Variants in ARHGAP30 observed in about 807,000 individuals in gnomAD.
ARHGAP30 encodes the protein rho GTPase-activating protein 30.
Under a neutral mutation model 72.0 loss-of-function variants are expected in ARHGAP30, and 23 were observed. That is an observed-to-expected ratio of 0.32 (90% confidence interval 0.23 to 0.45). The LOEUF (loss-of-function observed/expected upper bound fraction) is 0.45. ARHGAP30 is among the 20% of genes least tolerant of loss of function. The pLI, the probability that ARHGAP30 is intolerant of heterozygous loss-of-function variation, is 1.00. For synonymous variants in ARHGAP30, 576 were observed against 528.2 expected (o/e 1.09, Z -1.24); for missense variants, 1,319 against 1,383.4 (o/e 0.95, Z 0.74).
At chr1:161,053,031 C>T (rs1651533327) in intron 6 of ARHGAP30, 2 of 852,858 alleles carry the variant, frequency 2.3e-6, no homozygotes, top group Admixed American at 5.8e-5. Flanking sequence ...CATCACTAGC[C>T]TTGGGAGCCA....
At chr1:161,053,056 A>G in intron 6 of ARHGAP30, 1 of 897,042 alleles carries the variant, frequency 1.1e-6, no homozygotes, top group East Asian at 2.7e-5. Flanking sequence ...GGTGACTCAG[A>G]GGTCAAGCCA....
chr1:161,054,352 A>G lies in ARHGAP30; in HGVS notation c.536+14T>C. On this transcript the variant is annotated intron_variant, in intron 5 of 11. Transcript: ENST00000368013. ...CTCACAGGATCCCCATACACTGCTC[A>G]CACAGGCACCTACCTCAGCAGGTTG... is the stretch of plus-strand genomic sequence containing the variant. The G allele has an allele frequency of 6.2e-7, 1 of 1,611,152 alleles. No homozygotes were observed. Among genetic ancestry groups the G allele is most frequent in the African/African-American group, 1.3e-5 (1 of 74,934 alleles).
intron 9 of ARHGAP30, among the ~76,000 whole-genome samples, chr1:161,052,064 C>T (rs1238960396): frequency 7.2e-6 from 1 of 138,700 alleles, no homozygotes; most frequent in Non-Finnish European, 1.5e-5. Flanking sequence ...CCACCACATA[C>T]CCATGCTGTC....
Position 161,051,364 on chromosome 1 carries a change from C to G in ARHGAP30, c.1370G>C (p.Ser457Thr), listed in dbSNP as rs944713548. Residue 457 changes from serine (S) to threonine (T), a missense_variant, in exon 10 of 12, where the codon AGC (serine) becomes ACC (threonine). By Grantham distance (58) the Ser-to-Thr change is moderately conservative. Coordinates refer to ENST00000368013, the MANE Select transcript of ARHGAP30 (RefSeq NM_001025598.2). Reference protein sequence around the residue: ...LECPALQHRPSPASGPGPGPG... With the variant: ...LECPALQHRPTPASGPGPGPG... ...GCCAGGGCCAGGGCCAGAGGCAGGG[C>G]TTGGCCGGTGCTGTAGAGCAGGGCA... The G allele has an allele frequency of 1.6e-5, 26 of 1,612,844 alleles. No homozygotes were observed. Among genetic ancestry groups the G allele is most frequent in the Non-Finnish European group, 1.9e-5 (23 of 1,179,588 alleles).
Position 161,048,406 on chromosome 1 carries a change from A to G in ARHGAP30, c.2615T>C (p.Val872Ala), listed in dbSNP as rs200004996. Residue 872 changes from valine (V) to alanine (A), a missense_variant, in exon 12 of 12, where the codon GTT (valine) becomes GCT (alanine). Coordinates refer to ENST00000368013, the MANE Select transcript of ARHGAP30 (RefSeq NM_001025598.2). ...SEGSGVASLE[V>A]DCAKEGNPHS... ...AGGATTGCCCTCTTTGGCACAGTCA[A>G]CCTCCAGGGACGCTACACCTGAACC... 1.2e-6 allele frequency: 2 copies of G among 1,613,982 alleles called. No homozygotes were observed. Among genetic ancestry groups the G allele is most frequent in the African/African-American group, 1.3e-5 (1 of 74,978 alleles).
intron 1 of ARHGAP30, among the ~76,000 whole-genome samples, chr1:161,064,395 T>C (rs990798626): frequency 2.0e-5 from 3 of 152,192 alleles, no homozygotes; most frequent in Admixed American, 6.5e-5. Flanking sequence ...ACAGAGAATA[T>C]TGCCAGTGAC....
chr1:161,060,434 A>G (rs1295730046), intron 1 of ARHGAP30, among the ~76,000 whole-genome samples: 2 of 151,872 alleles, frequency 1.3e-5, no homozygotes, highest in Non-Finnish European at 2.9e-5. Context: ...CATCTCTACT[A>G]AAAACTACAA....
intron 1 of ARHGAP30, among the ~76,000 whole-genome samples, chr1:161,068,431 A>T (rs1443345946): frequency 6.6e-6 from 1 of 152,092 alleles, no homozygotes; most frequent in African/African-American, 2.4e-5. Context: ...AAGGGGAAGG[A>T]GGTGTCTGGG....
chr1:161,056,292 G>T (rs1463412854), intron 3 of ARHGAP30, 96 bp downstream of exon 3: 1 of 1,475,842 alleles, frequency 6.8e-7, no homozygotes, highest in Non-Finnish European at 9.1e-7. Flanking sequence ...ATTCAGGATC[G>T]CTAGGACTCT....
At chr1:161,063,458 G>A (rs1416305528) in intron 1 of ARHGAP30, among the ~76,000 whole-genome samples, 1 of 152,190 alleles carries the variant, frequency 6.6e-6, no homozygotes, top group Admixed American at 6.5e-5. Context: ...CAATACCCTT[G>A]TGATTTCCTA....
chr1:161,049,537 C>T lies in ARHGAP30; in HGVS notation c.1573G>A (p.Gly525Arg). 6.2e-7 allele frequency: 1 copy of T among 1,614,156 alleles called. No homozygotes were observed. The highest frequency in any genetic ancestry group is 8.5e-7 in the Non-Finnish European group (1 of 1,180,020). ...DSSSSEPEWV[G>R]AEDGEVAQAE... is the part of the protein sequence containing the mutation. ...TGGGCCACCTCCCCATCCTCTGCCC[C>T]CACCCACTCAGGTTCTGAGCTGCTT... Residue 525 changes from glycine (G) to arginine (R), a missense_variant, in exon 11 of 12, where the codon GGG becomes AGG. Physicochemically the swap from Gly to Arg is moderately radical, Grantham distance 125. Coordinates refer to ENST00000368013, the MANE Select transcript of ARHGAP30 (RefSeq NM_001025598.2).
chr1:161,069,437 C>A lies in ARHGAP30; in HGVS notation c.97+91G>T. ...GCCACTGCCCCTTCCCCAGGAGCAC[C>A]GGAAACTGCTTCTGCCCTTCAGGCT... is the stretch of plus-strand genomic sequence containing the variant. On this transcript the variant is annotated intron_variant, in intron 1 of 11. Transcript: ENST00000368013. The surrounding 1 kb of genome is among the most constrained non-coding windows in gnomAD (Gnocchi z 4.9). The A allele has an allele frequency of 7.4e-7, 1 of 1,351,796 alleles. No homozygotes were observed. The highest frequency in any genetic ancestry group is 1.0e-6 in the Non-Finnish European group (1 of 963,382). The allele number at this position is 1,351,796 out of a possible 1,614,324, so 83.7% of individuals were successfully genotyped here.
At chr1:161,058,596 C>T (rs1432401398) in intron 2 of ARHGAP30, among the ~76,000 whole-genome samples, 1 of 146,284 alleles carries the variant, frequency 6.8e-6, no homozygotes, top group East Asian at 2.0e-4. Flanking sequence ...CACTGCACTC[C>T]ACCCTGGGCA....
At chr1:161,066,553 G>A (rs1224665942) in intron 1 of ARHGAP30, among the ~76,000 whole-genome samples, 1 of 146,298 alleles carries the variant, frequency 6.8e-6, no homozygotes, top group African/African-American at 2.6e-5. Flanking sequence ...CTGAGGCAGG[G>A]AGAATTGCTT....
chr1:161,062,996 T>G (rs1055514464), intron 1 of ARHGAP30, among the ~76,000 whole-genome samples: 32 of 152,210 alleles, frequency 2.1e-4, no homozygotes, highest in African/African-American at 7.5e-4. Flanking sequence ...GTATTTTTAG[T>G]AGAGTCGGTG....
At position 161,049,162 on chromosome 1, in the gene ARHGAP30, A is replaced by G; in HGVS notation, c.1859T>C (p.Leu620Pro). The G allele has an allele frequency of 6.2e-7, 1 of 1,614,134 alleles. No individual in the cohort carries two copies. Among genetic ancestry groups the G allele is most frequent in the Non-Finnish European group, 8.5e-7 (1 of 1,180,014 alleles). The change falls in exon 12 of 12, where the codon CTG becomes CCG. Residue 620 changes from leucine to proline, a missense_variant. Physicochemically the swap from Leu to Pro is moderately conservative, Grantham distance 98. Coordinates refer to ENST00000368013, the MANE Select transcript of ARHGAP30 (RefSeq NM_001025598.2). The stretch of plus-strand genomic sequence containing the variant: ...CTTCCAGATTGGGGGTTTAGGTCCC[A>G]GAAGGGGACTTAGGTCATCATAGGC... Reference protein sequence around the residue: ...LSAYDDLSPLLGPKPPIWKGS... With the variant: ...LSAYDDLSPLPGPKPPIWKGS...
At position 161,054,403 on chromosome 1, in the gene ARHGAP30, G is replaced by A; in HGVS notation, c.499C>T (p.Arg167Cys). The change falls in exon 5 of 12, where the codon CGC (arginine) becomes TGC (cysteine). Residue 167 changes from arginine (R) to cysteine (C), a missense_variant. Physicochemically the swap from Arg to Cys is radical, Grantham distance 180. Coordinates refer to ENST00000368013, the MANE Select transcript of ARHGAP30 (RefSeq NM_001025598.2). ...GGAGCCCACACGATGGCCAGGTTGC[G>A]AGCATGCATGTTGGTCTGGGCACTG... ...SFSAQTNMHA[R>C]NLAIVWAPNL... The A allele has an allele frequency of 1.2e-6, 2 of 1,613,950 alleles. No individual in the cohort carries two copies. The highest frequency in any genetic ancestry group is 1.7e-6 in the Non-Finnish European group (2 of 1,179,958).
rs1650940109 is a variant in ARHGAP30, at chr1:161,047,543, C to G, written c.*172G>C. 3 of 546,150 alleles carry G rather than the reference C, an allele frequency of 5.5e-6. No homozygotes were observed. The highest frequency in any genetic ancestry group is 8.7e-6 in the Non-Finnish European group (3 of 343,662). The allele number at this position is 546,150 out of a possible 1,614,324, so 33.8% of individuals were successfully genotyped here. ...AAGTGCTTTGTGTCGGAGACAAGTT[C>G]AGGTAAACCAACCAAGGCAGTGCCT... On this transcript the variant is annotated 3_prime_UTR_variant, in exon 12 of 12. Coordinates refer to ENST00000368013, the MANE Select transcript of ARHGAP30 (RefSeq NM_001025598.2).
At chr1:161,068,315 GA>G (rs1187736655) in intron 1 of ARHGAP30, among the ~76,000 whole-genome samples, 2 of 152,166 alleles carry the variant, frequency 1.3e-5, no homozygotes, top group African/African-American at 4.8e-5. Context: ...GTGAGAAGAG[GA>G]AGGCTCAAAT....
Sources: gnomAD v4.1 joint callset for allele counts (sites outside exome capture counted in the v4.1 genomes callset) on GRCh38, gnomAD v4.1.1 for gene constraint, Gnocchi (gnomAD v3.1) non-coding constraint, MANE v1.5 for transcripts, NCBI Gene and HGNC (gene_info 2026-07-23, HGNC 2026-07-21) for gene names.